Variants in CLYBL observed in about 807,000 individuals in gnomAD.
The protein encoded by CLYBL is citramalyl-CoA lyase, mitochondrial.
CLYBL carries 31 observed loss-of-function variants against 38.9 expected under a neutral mutation model. That is an observed-to-expected ratio of 0.80 (90% CI 0.60 to 1.08). The LOEUF (loss-of-function observed/expected upper bound fraction) is 1.08, where lower values mean the gene tolerates loss of function less well. Ranked by LOEUF, CLYBL falls within the 50% of genes least tolerant of loss-of-function variation. The probability of loss-of-function intolerance (pLI) is 0.00; values close to 1 mark genes in which losing one functional copy is unlikely to be tolerated. For missense variants in CLYBL, 434 were observed against 411.6 expected (o/e 1.05, Z -0.47); for synonymous variants, 171 against 158.6 (o/e 1.08, Z -0.59).
rs971201418 is a variant in CLYBL at position 99,740,302 on chromosome 13, A to G, written c.63-32522A>G. ...TTGAGAGCTCAATGGTAAATACACA[A>G]TCAGCATGTGTGCTAAGAGGCTCGA... On this transcript the variant is annotated intron_variant, in intron 1 of 8. Transcript: ENST00000339105. Among the ~76,000 whole-genome samples the G allele has an allele frequency of 2.0e-5, 3 of 152,338 alleles. No individual in the cohort carries two copies. In the East Asian group the frequency reaches 5.8e-4, roughly 29 times the overall value.
intron 2 of CLYBL, among the ~76,000 whole-genome samples, chr13:99,777,586 G>A (rs542792121): frequency 9.3e-5 from 14 of 151,158 alleles, no homozygotes; most frequent in African/African-American, 2.7e-4. Flanking sequence ...TCCGCCTCTC[G>A]GGTTCAAGAG....
At chr13:99,773,471 C>A (rs185301529) in intron 2 of CLYBL, among the ~76,000 whole-genome samples, 1 of 152,256 alleles carries the variant, frequency 6.6e-6, no homozygotes, top group East Asian at 1.9e-4. Flanking sequence ...GCATTAGATT[C>A]TCAAGGAGCA....
At position 99,872,333 on chromosome 13, in the gene CLYBL, A is replaced by G. The variant is rs753738819; in HGVS notation, c.927+1271A>G. Among the ~76,000 whole-genome samples, 3 of 152,212 alleles carry G rather than the reference A, an allele frequency of 2.0e-5. No homozygotes were observed. In the East Asian group the frequency reaches 5.8e-4, roughly 29 times the overall value. On this transcript the variant is annotated intron_variant, in intron 7 of 8. Coordinates refer to ENST00000339105, the MANE Select transcript of CLYBL (RefSeq NM_206808.5). ...TTTCCATTTCCCATCAACAGTGGCC[A>G]TCAGAAAAGTAATGCATTTCATAGA...
At chr13:99,610,298 A>G (rs146774494) in intron 1 of CLYBL, among the ~76,000 whole-genome samples, 4 of 152,294 alleles carry the variant, frequency 2.6e-5, no homozygotes, top group African/African-American at 9.6e-5. Flanking sequence ...TTCCTCAGGG[A>G]CAGTTTGTAC....
At chr13:99,819,446 AT>A (rs1566340176) in intron 2 of CLYBL, among the ~76,000 whole-genome samples, 1,352 of 85,312 alleles carry the variant, frequency 0.016, 103 homozygotes, top group Admixed American at 0.08. Flanking sequence ...ATATATATAT[AT>A]ATATATATAT....
intron 1 of CLYBL, among the ~76,000 whole-genome samples, chr13:99,692,628 T>G (rs983371913): frequency 4.6e-5 from 7 of 152,212 alleles, no homozygotes; most frequent in Non-Finnish European, 4.4e-5. Context: ...ACGTCAGTGG[T>G]TTTCAGTCTC....
chr13:99,769,750 G>A (rs1388911168), intron 1 of CLYBL, among the ~76,000 whole-genome samples: 1 of 152,112 alleles, frequency 6.6e-6, no homozygotes, highest in Non-Finnish European at 1.5e-5. Flanking sequence ...ACATGATACA[G>A]TGCTTATGTT....
At chr13:99,680,791 C>T (rs2047723504) in intron 1 of CLYBL, among the ~76,000 whole-genome samples, 1 of 152,148 alleles carries the variant, frequency 6.6e-6, no homozygotes, top group Non-Finnish European at 1.5e-5. Context: ...ACTAAGGGCC[C>T]AGTCTTTGGC....
chr13:99,789,733 G>T (rs2049875995), intron 2 of CLYBL, among the ~76,000 whole-genome samples: 1 of 152,172 alleles, frequency 6.6e-6, no homozygotes, highest in Admixed American at 6.5e-5. Flanking sequence ...GCAGAGCTGA[G>T]TTCAATTCCT....
chr13:99,894,836 A>G (rs978654342), downstream of CLYBL: 1 of 151,480 alleles, frequency 6.6e-6, no homozygotes, highest in Non-Finnish European at 1.5e-5. Flanking sequence ...GATTATATCA[A>G]TACAGTCATG....
At chr13:99,622,187 T>TAACC (rs1229528458) in intron 1 of CLYBL, among the ~76,000 whole-genome samples, 2 of 152,250 alleles carry the variant, frequency 1.3e-5, no homozygotes, top group African/African-American at 4.8e-5. Flanking sequence ...CCCACCTGGA[T>TAACC]AACCAGGGCC....
At chr13:99,850,111 G>T (rs1270690080) in intron 2 of CLYBL, among the ~76,000 whole-genome samples, 1 of 152,134 alleles carries the variant, frequency 6.6e-6, no homozygotes, top group East Asian at 1.9e-4. Context: ...CAAGATGATA[G>T]CAAAAGTGCA....
At chr13:99,767,894 T>G (rs1428179344) in intron 1 of CLYBL, among the ~76,000 whole-genome samples, 1 of 152,238 alleles carries the variant, frequency 6.6e-6, no homozygotes, top group Admixed American at 6.5e-5. Context: ...TGAGCATCTT[T>G]AAGACAGTTG....
intron 2 of CLYBL, among the ~76,000 whole-genome samples, chr13:99,855,560 G>C (rs1180181603): frequency 2.0e-5 from 3 of 152,144 alleles, no homozygotes; most frequent in African/African-American, 7.2e-5. Context: ...AGAGAGCTGA[G>C]AGCGCTGTTA....
chr13:99,716,169 A>AGTTTTTTTTTTTTTTTTTT (rs1361639397), intron 1 of CLYBL, among the ~76,000 whole-genome samples: 1 of 33,434 alleles, frequency 3.0e-5, no homozygotes, highest in African/African-American at 9.9e-5. Context: ...TATTGGTGTA[A>AGTTTTTTTTTTTTTTTTTT]TTTTTTTTTT....
rs79501736 is a variant in CLYBL at position 99,831,925 on chromosome 13, A to G, written c.250-26936A>G. ...CTGCTGTTTTATTATACATTTATCA[A>G]ACAGTTCACTATCTGGTCTTTTGGC... On this transcript the variant is annotated intron_variant, in intron 2 of 8. Transcript: ENST00000339105. Among the ~76,000 whole-genome samples, 197 of 152,314 alleles carry G rather than the reference A, an allele frequency of 1.3e-3. 1 individual carries two copies. Among genetic ancestry groups the G allele is most frequent in the African/African-American group, 4.6e-3 (193 of 41,566 alleles).
chr13:99,699,052 A>G (rs1054537087), intron 1 of CLYBL, among the ~76,000 whole-genome samples: 6 of 151,992 alleles, frequency 3.9e-5, no homozygotes, highest in Admixed American at 6.6e-5. Flanking sequence ...TTTTCCCTTC[A>G]TCATTAACAT....
intron 2 of CLYBL, among the ~76,000 whole-genome samples, chr13:99,798,138 A>G (rs544901295): frequency 5.9e-5 from 9 of 152,262 alleles, no homozygotes; most frequent in Admixed American, 1.3e-4. Flanking sequence ...AAGCTTCCCC[A>G]TAGTCACCTA....
chr13:99,612,317 A>G (rs2046638039), intron 1 of CLYBL, among the ~76,000 whole-genome samples: 1 of 148,892 alleles, frequency 6.7e-6, no homozygotes, highest in South Asian at 2.1e-4. Flanking sequence ...CCTTCACCTT[A>G]CTTTGGGTTT....
Sources: gnomAD v4.1 joint callset for allele counts (sites outside exome capture counted in the v4.1 genomes callset) on GRCh38, gnomAD v4.1.1 for gene constraint, MANE v1.5 for transcripts, NCBI Gene and HGNC (gene_info 2026-07-23, HGNC 2026-07-21) for gene names.